ZNF385D: variants seen among roughly 807,000 people sequenced by gnomAD.
ZNF385D encodes zinc finger protein 385D.
A neutral mutation model predicts 35.8 loss-of-function variants in ZNF385D; 15 were observed. The observed-to-expected ratio is 0.42, with a 90% CI of 0.28 to 0.64. The LOEUF (loss-of-function observed/expected upper bound fraction) is 0.64. ZNF385D is among the 30% of genes least tolerant of loss of function. The probability of loss-of-function intolerance (pLI) is 0.23; values close to 1 mark genes in which losing one functional copy is unlikely to be tolerated. For missense variants in ZNF385D, 474 were observed against 494.6 expected, an observed-to-expected ratio of 0.96 and a Z score of 0.39; for synonymous variants, 212 against 186.8, an observed-to-expected ratio of 1.13 and a Z score of -1.10.
intron 3 of ZNF385D, among the ~76,000 whole-genome samples, chr3:22,057,027 G>A (rs1699437334): frequency 6.6e-6 from 1 of 152,216 alleles, no homozygotes; most frequent in South Asian, 2.1e-4. Context: ...ATGAATTTGT[G>A]TCAGAAGTGA....
intron 3 of ZNF385D, among the ~76,000 whole-genome samples, chr3:21,845,419 TCTC>T (rs1695945320): frequency 6.6e-6 from 1 of 151,986 alleles, no homozygotes; most frequent in African/African-American, 2.4e-5. Flanking sequence ...TCTCTCTTCT[TCTC>T]CTTCTCTTTC....
At chr3:21,921,625 A>G (rs1432967036) in intron 3 of ZNF385D, among the ~76,000 whole-genome samples, 1 of 152,146 alleles carries the variant, frequency 6.6e-6, no homozygotes, top group Non-Finnish European at 1.5e-5. Context: ...TGGAGAAAAC[A>G]CCTAAAAAAA....
Position 22,110,555 on chromosome 3 carries a change from G to A in ZNF385D, c.325+58262C>T, listed in dbSNP as rs151208451. 1.8e-3 allele frequency among the ~76,000 whole-genome samples: 266 copies of A among 151,782 alleles called. 2 individuals carry two copies. Among genetic ancestry groups the A allele is most frequent in the African/African-American group, 4.7e-3 (194 of 41,362 alleles). ...TCACAAGGACAAAAAACCAAACACC[G>A]CATGTTCTCACTCATAGATGGGAAT... On this transcript the variant is annotated intron_variant, in intron 3 of 5. Coordinates refer to the ZNF385D transcript ENST00000494108.
chr3:22,320,331 C>T (rs1694354526), intron 2 of ZNF385D, among the ~76,000 whole-genome samples: 1 of 151,992 alleles, frequency 6.6e-6, no homozygotes, highest in Non-Finnish European at 1.5e-5. Flanking sequence ...TAACTGGTCC[C>T]AAATTCTTCC....
chr3:21,799,070 G>T (rs1041178645), intron 3 of ZNF385D, among the ~76,000 whole-genome samples: 1 of 152,200 alleles, frequency 6.6e-6, no homozygotes, highest in South Asian at 2.1e-4. Flanking sequence ...GACCTTTTGT[G>T]TCTGACGTAA....
chr3:21,646,396 G>A lies in ZNF385D; in HGVS notation c.165+18490C>T, dbSNP rs888048088. Among the ~76,000 whole-genome samples the A allele has an allele frequency of 6.6e-6, 1 of 152,190 alleles. No individual in the cohort carries two copies. The highest frequency in any genetic ancestry group is 6.5e-5 in the Admixed American group (1 of 15,268). On this transcript the variant is annotated intron_variant, in intron 2 of 7. Transcript: ENST00000281523. This position sits in a 1 kb window ranked among gnomAD's most constrained non-coding sequence, Gnocchi z 4.3. ...GACTTCACAGTGAGACGCTGAGAAA[G>A]GTGAAGTAAGTGGACTGAGAGCCAC...
intron 2 of ZNF385D, among the ~76,000 whole-genome samples, chr3:22,222,433 G>A (rs1391727674): frequency 6.6e-6 from 1 of 152,062 alleles, no homozygotes; most frequent in Non-Finnish European, 1.5e-5. Flanking sequence ...AAGTTCTGGG[G>A]TCAAAGATAT....
rs752499992 is a variant in ZNF385D, at chr3:21,945,435, G to A, written c.325+223382C>T. ...TAGAAGAGCAAACATTTTAAGCCTGGTTTTTCTACTCACTAGCTGTGAAAA... is the reference window on the plus strand; with the variant it reads ...TAGAAGAGCAAACATTTTAAGCCTGATTTTTCTACTCACTAGCTGTGAAAA... On this transcript the variant is annotated intron_variant, in intron 3 of 5. Transcript: ENST00000494108. Among the ~76,000 whole-genome samples, 3 of 152,036 alleles carry A rather than the reference G, an allele frequency of 2.0e-5. No individual in the cohort carries two copies. The East Asian group carries it at 5.8e-4, about 29-fold the overall frequency.
chr3:22,120,002 T>C (rs531353462), intron 3 of ZNF385D, among the ~76,000 whole-genome samples: 3 of 150,884 alleles, frequency 2.0e-5, no homozygotes, highest in East Asian at 1.9e-4. Context: ...TTTCTTTTTT[T>C]TTTTTTTGGT....
At chr3:21,923,684 G>A (rs575509854) in intron 3 of ZNF385D, among the ~76,000 whole-genome samples, 2 of 149,102 alleles carry the variant, frequency 1.3e-5, no homozygotes, top group East Asian at 3.9e-4. Context: ...CCATAAAAAA[G>A]AACAAAATTA....
intron 2 of ZNF385D, among the ~76,000 whole-genome samples, chr3:22,177,544 T>C (rs764984512): frequency 8.5e-5 from 13 of 152,316 alleles, no homozygotes; most frequent in Middle Eastern, 3.4e-3. Flanking sequence ...TCTGTGAAGT[T>C]TGAGAAGAGA....
chr3:21,590,016 C>CT (rs1468495123), intron 2 of ZNF385D, among the ~76,000 whole-genome samples: 1 of 152,070 alleles, frequency 6.6e-6, no homozygotes, highest in African/African-American at 2.4e-5. Context: ...ACTGTAAAGA[C>CT]TCATGCAGCT....
At chr3:22,279,053 T>C (rs767141377) in intron 2 of ZNF385D, among the ~76,000 whole-genome samples, 54 of 152,104 alleles carry the variant, frequency 3.6e-4, no homozygotes, top group Non-Finnish European at 6.3e-4. Flanking sequence ...ACACATCCTG[T>C]CATAGCAAAG....
intron 3 of ZNF385D, among the ~76,000 whole-genome samples, chr3:21,789,878 A>G (rs1403367438): frequency 5.9e-5 from 9 of 152,186 alleles, no homozygotes; most frequent in Admixed American, 5.9e-4. Flanking sequence ...GGTTCTTTCA[A>G]CTTGTCACTG....
chr3:22,103,936 T>C (rs1258244353), intron 3 of ZNF385D, among the ~76,000 whole-genome samples: 3 of 152,082 alleles, frequency 2.0e-5, no homozygotes, highest in East Asian at 3.9e-4. Context: ...TTAAATTTAA[T>C]AGGAAAATCA....
At chr3:21,899,531 A>T (rs1699298577) in intron 3 of ZNF385D, among the ~76,000 whole-genome samples, 1 of 152,096 alleles carries the variant, frequency 6.6e-6, no homozygotes, top group South Asian at 2.1e-4. Flanking sequence ...TTCCCAGGTG[A>T]CAATTATGCA....
chr3:22,065,810 A>G (rs879478405), intron 3 of ZNF385D, among the ~76,000 whole-genome samples: 19 of 152,168 alleles, frequency 1.2e-4, no homozygotes, highest in Non-Finnish European at 2.4e-4. Flanking sequence ...AAGTCATAAA[A>G]TATGTTTTGT....
chr3:21,746,202 C>T (rs2069762537), intron 1 of ZNF385D, among the ~76,000 whole-genome samples: 1 of 152,180 alleles, frequency 6.6e-6, no homozygotes, highest in African/African-American at 2.4e-5. Context: ...ACTATGTCAT[C>T]CACGAAAGCG....
At chr3:21,961,930 A>G (rs958731583) in intron 3 of ZNF385D, among the ~76,000 whole-genome samples, 1 of 152,178 alleles carries the variant, frequency 6.6e-6, no homozygotes, top group Non-Finnish European at 1.5e-5. Flanking sequence ...AGAATTAAGG[A>G]GAAAAGTCAC....
Sources: allele counts gnomAD v4.1 joint callset (sites outside exome capture counted in the v4.1 genomes callset), GRCh38; gene constraint gnomAD v4.1.1; non-coding constraint Gnocchi (gnomAD v3.1); transcripts MANE v1.5; gene names NCBI Gene and HGNC (gene_info 2026-07-23, HGNC 2026-07-21).